Variants in PTPN13 observed in about 807,000 individuals in gnomAD.
The protein encoded by PTPN13 is tyrosine-protein phosphatase non-receptor type 13.
In PTPN13, 191 loss-of-function variants were observed where a neutral mutation model predicts 284.0. The ratio of observed to expected loss-of-function variants is 0.67; its 90% confidence interval spans 0.60 to 0.76. The LOEUF (loss-of-function observed/expected upper bound fraction) is 0.76, where lower values mean the gene tolerates loss of function less well. PTPN13 is among the 30% of genes least tolerant of loss of function. PTPN13 has a pLI of 0.00. For synonymous variants in PTPN13, 986 were observed against 1,022.3 expected (o/e 0.96, Z 0.68); for missense variants, 2,797 against 2,939.9 (o/e 0.95, Z 1.12).
chr4:86,635,402 T>G (rs758082618), intron 2 of PTPN13, 31 bp downstream of exon 2: 2 of 1,562,052 alleles, frequency 1.3e-6, no homozygotes, highest in South Asian at 2.4e-5. Context: ...CTGTTGTTGT[T>G]GTTGTTTCAG....
intron 3 of PTPN13, among the ~76,000 whole-genome samples, chr4:86,675,084 C>G (rs1332457339): frequency 6.6e-6 from 1 of 152,116 alleles, no homozygotes; most frequent in African/African-American, 2.4e-5. Flanking sequence ...CTTGTGATGT[C>G]TAGATCCCCA....
chr4:86,639,429 A>G (rs989470832), intron 2 of PTPN13, among the ~76,000 whole-genome samples: 6 of 152,204 alleles, frequency 3.9e-5, no homozygotes, highest in South Asian at 2.1e-4. Flanking sequence ...AACCAAGCCA[A>G]ATGTCCAACA....
intron 8 of PTPN13, 40 bp from the exon 9 acceptor site, chr4:86,716,982 TTC>T: frequency 7.3e-7 from 1 of 1,372,618 alleles, no homozygotes; most frequent in Non-Finnish European, 1.0e-6. Flanking sequence ...ACTCTCATGT[TTC>T]TATCACCTGT....
chr4:86,783,359 C>T (rs1320260540), intron 37 of PTPN13, among the ~76,000 whole-genome samples: 1 of 152,104 alleles, frequency 6.6e-6, no homozygotes, highest in East Asian at 1.9e-4. Flanking sequence ...GCCAAAGCAA[C>T]TGAATTTTCA....
intron 3 of PTPN13, among the ~76,000 whole-genome samples, chr4:86,681,486 C>T (rs535726922): frequency 6.6e-6 from 1 of 152,238 alleles, no homozygotes; most frequent in Admixed American, 6.5e-5. Flanking sequence ...CAGGGCAGCT[C>T]CCCACTGCAA....
intron 2 of PTPN13, among the ~76,000 whole-genome samples, chr4:86,650,909 ATTAT>A (rs1725007270): frequency 6.6e-6 from 1 of 152,066 alleles, no homozygotes; most frequent in Admixed American, 6.6e-5. Context: ...GATGTCCTTT[ATTAT>A]TTCTCTTATC....
chr4:86,734,249 A>G, intron 12 of PTPN13, 54 bp from the exon 13 acceptor site: 1 of 1,311,184 alleles, frequency 7.6e-7, no homozygotes, highest in Non-Finnish European at 1.0e-6. Flanking sequence ...AAATCGGAAG[A>G]AAACACTAAA....
intron 3 of PTPN13, among the ~76,000 whole-genome samples, chr4:86,682,697 G>T (rs1159464442): frequency 6.6e-6 from 1 of 152,124 alleles, no homozygotes; most frequent in African/African-American, 2.4e-5. Context: ...CACTGTCAGT[G>T]ATGTCAGTGC....
At chr4:86,595,364 A>G (rs756798611) in intron 1 of PTPN13, among the ~76,000 whole-genome samples, 1 of 150,588 alleles carries the variant, frequency 6.6e-6, no homozygotes, top group Non-Finnish European at 1.5e-5. Flanking sequence ...TAAAGTTAAC[A>G]CTCTACCCTC....
chr4:86,734,331 C>T lies in PTPN13; in HGVS notation c.1887C>T (p.Asp629=). The change falls in exon 13 of 48, where the codon GAC becomes GAT. Residue 629 remains aspartate, a synonymous_variant. Transcript: ENST00000411767. ...ATGAATATTTCTTTGTTGATCCTGA[C>T]TTAAAATTAACCAAAGTGGCCCCAG... ...KDNEYFFVDP[D]LKLTKVAPEG... is the part of the protein sequence containing the mutation. 1 of 1,536,220 alleles carries T rather than the reference C, an allele frequency of 6.5e-7. No individual in the cohort carries two copies. The highest frequency in any genetic ancestry group is 8.8e-7 in the Non-Finnish European group (1 of 1,136,468).
chr4:86,638,104 A>C (rs1466414198), intron 2 of PTPN13, among the ~76,000 whole-genome samples: 4 of 152,232 alleles, frequency 2.6e-5, no homozygotes, highest in Non-Finnish European at 5.9e-5. Flanking sequence ...TAAAATACTT[A>C]GGAATCCAAC....
Position 86,746,881 on chromosome 4 carries a change from C to T in PTPN13, c.2650+1753C>T, listed in dbSNP as rs1488154393. Among the ~76,000 whole-genome samples the T allele has an allele frequency of 3.3e-5, 5 of 152,256 alleles. No homozygotes were observed. The East Asian group carries it at 9.6e-4, about 29-fold the overall frequency. On this transcript the variant is annotated intron_variant, in intron 17 of 47. Coordinates refer to ENST00000411767, the MANE Select transcript of PTPN13 (RefSeq NM_080683.3). ...CCTGACCTTCGTGATCTGCCCGCCT[C>T]GGCCTCCCAACTCAGTAATGATTTT...
intron 42 of PTPN13, 87 bp downstream of exon 42, chr4:86,799,291 G>A: frequency 1.6e-6 from 1 of 633,958 alleles, no homozygotes; most frequent in Non-Finnish European, 2.5e-6. Flanking sequence ...TGGATATGCT[G>A]TTTTACCATA....
In PTPN13 at chr4:86,705,936, T is replaced by C. The variant is rs183823830; in HGVS notation, c.1195+4135T>C. 3.2e-4 allele frequency among the ~76,000 whole-genome samples: 49 copies of C among 152,286 alleles called. 1 individual carries two copies. Among genetic ancestry groups the C allele is most frequent in the African/African-American group, 1.1e-3 (47 of 41,556 alleles). ...TCTTTGGGTGTTCTAGGAGGGTTATTGAGTTAATAAACAGTTTTCTCCTCC... is the reference window on the plus strand; with the variant it reads ...TCTTTGGGTGTTCTAGGAGGGTTATCGAGTTAATAAACAGTTTTCTCCTCC... On this transcript the variant is annotated intron_variant, in intron 7 of 47. Coordinates refer to ENST00000411767, the MANE Select transcript of PTPN13 (RefSeq NM_080683.3).
intron 3 of PTPN13, among the ~76,000 whole-genome samples, chr4:86,676,591 G>A (rs921295891): frequency 2.0e-5 from 3 of 152,156 alleles, no homozygotes; most frequent in African/African-American, 7.2e-5. Flanking sequence ...ATTCACAATA[G>A]CCAAAAGCTG....
chr4:86,708,095 C>T (rs1731967949), intron 7 of PTPN13, among the ~76,000 whole-genome samples: 1 of 152,162 alleles, frequency 6.6e-6, no homozygotes, highest in African/African-American at 2.4e-5. Context: ...CACAGTCCAA[C>T]TCAGTAGCTA....
At chr4:86,599,653 T>A (rs1312602785) in intron 1 of PTPN13, among the ~76,000 whole-genome samples, 2 of 152,188 alleles carry the variant, frequency 1.3e-5, no homozygotes, top group Non-Finnish European at 2.9e-5. Flanking sequence ...TCATCTGAAA[T>A]GGCATATATA....
chr4:86,693,882 T>C (rs1565340999), intron 6 of PTPN13, among the ~76,000 whole-genome samples: 1 of 152,140 alleles, frequency 6.6e-6, no homozygotes, highest in Non-Finnish European at 1.5e-5. Flanking sequence ...ATTAATATAC[T>C]TAGGATTCCC....
chr4:86,740,912 C>CA (rs144628774), intron 15 of PTPN13, among the ~76,000 whole-genome samples: 13,183 of 144,264 alleles, frequency 0.091, 694 homozygotes, highest in Non-Finnish European at 0.11. Flanking sequence ...AATCTCTTTG[C>CA]AAAAAAAAAA....
Sources: allele counts gnomAD v4.1 joint callset (sites outside exome capture counted in the v4.1 genomes callset), GRCh38; gene constraint gnomAD v4.1.1; transcripts MANE v1.5; gene names NCBI Gene and HGNC (gene_info 2026-07-23, HGNC 2026-07-21).